HCN2: variants seen among roughly 807,000 people sequenced by gnomAD.
HCN2 encodes the protein hyperpolarization activated cyclic nucleotide gated potassium and sodium channel 2, also known as potassium/sodium hyperpolarization-activated cyclic nucleotide-gated channel 2.
In HCN2, 20 loss-of-function variants were observed where a neutral mutation model predicts 52.3. The observed-to-expected ratio is 0.38, with a 90% confidence interval of 0.27 to 0.56. The LOEUF is 0.56. Among genes scored for constraint, HCN2 ranks in the 20% least tolerant of loss-of-function variants. HCN2 has a pLI of 0.71. For missense variants in HCN2, 981 were observed against 1,207.7 expected (o/e 0.81, Z 2.78); for synonymous variants, 694 against 537.0 (o/e 1.29, Z -4.04).
At chr19:606,766 C>T (rs1246731889) in intron 3 of HCN2, among the ~76,000 whole-genome samples, 4 of 151,242 alleles carry the variant, frequency 2.6e-5, no homozygotes, top group Non-Finnish European at 4.4e-5. Flanking sequence ...GCAGGAGAAT[C>T]GCTTGAACCC....
At chr19:608,901 G>A (rs1983513721) in intron 4 of HCN2, among the ~76,000 whole-genome samples, 1 of 152,180 alleles carries the variant, frequency 6.6e-6, no homozygotes. Context: ...GTTAATCCTA[G>A]GCTTGGCAGT....
intron 1 of HCN2, among the ~76,000 whole-genome samples, chr19:594,276 G>C (rs572358733): frequency 1.3e-5 from 2 of 152,216 alleles, no homozygotes; most frequent in Non-Finnish European, 2.9e-5. Context: ...CAGATCCGGG[G>C]TTTGTGCCCT....
At chr19:612,393 G>GGTGGGTGTGTGTGTGTGTGT (rs1215986490) in intron 5 of HCN2, among the ~76,000 whole-genome samples, 10 of 141,770 alleles carry the variant, frequency 7.1e-5, no homozygotes, top group South Asian at 4.6e-4. Flanking sequence ...GCTTTCCACT[G>GGTGGGTGTGTGTGTGTGTGT]GTGTGTGTGT....
Position 591,645 on chromosome 19 carries a change from G to A in HCN2, c.632+1068G>A, listed in dbSNP as rs547727863. 6.6e-6 allele frequency among the ~76,000 whole-genome samples: 1 copy of A among 152,018 alleles called. No individual in the cohort carries two copies. Among genetic ancestry groups the A allele is most frequent in the African/African-American group, 2.4e-5 (1 of 41,382 alleles). On this transcript the variant is annotated intron_variant, in intron 1 of 7. Transcript: ENST00000251287. The surrounding 1 kb of genome is among the most constrained non-coding windows in gnomAD (Gnocchi z 4.1). ...AGGTGGGGCCCGCCGGGCTAGCGAG[G>A]CCGGGCGCGCGGGACGGGCGCGGTT...
At chr19:599,635 A>C (rs1401900555) in intron 1 of HCN2, among the ~76,000 whole-genome samples, 1 of 151,990 alleles carries the variant, frequency 6.6e-6, no homozygotes, top group African/African-American at 2.4e-5. Flanking sequence ...AAAAAAAAAA[A>C]AAATTATCTG....
chr19:611,527 G>C (rs962812616), intron 5 of HCN2, among the ~76,000 whole-genome samples: 7 of 152,196 alleles, frequency 4.6e-5, no homozygotes, highest in African/African-American at 1.2e-4. Flanking sequence ...AATGCCTCTG[G>C]GGGGGCGTGT....
At chr19:597,065 C>T (rs1393487009) in intron 1 of HCN2, among the ~76,000 whole-genome samples, 1 of 152,202 alleles carries the variant, frequency 6.6e-6, no homozygotes, top group African/African-American at 2.4e-5. Context: ...CGGCCCCAAG[C>T]CCTGCTTGGA....
At chr19:608,522 GGT>G (rs1476672340) in intron 4 of HCN2, among the ~76,000 whole-genome samples, 2 of 152,062 alleles carry the variant, frequency 1.3e-5, no homozygotes, top group Non-Finnish European at 2.9e-5. Context: ...AGAAACGGCC[GGT>G]GGTGAGAGGT....
At chr19:605,016 G>T (rs1273092431) in intron 2 of HCN2, 45 bp from the exon 3 acceptor site, 2 of 1,567,518 alleles carry the variant, frequency 1.3e-6, no homozygotes. Flanking sequence ...GAAGGTGGGG[G>T]CCGGGGGTCA....
Position 615,941 on chromosome 19 carries a change from C to G in HCN2, c.2137C>G (p.Leu713Val). The G allele has an allele frequency of 6.2e-7, 1 of 1,608,204 alleles. No individual in the cohort carries two copies. The highest frequency in any genetic ancestry group is 8.5e-7 in the Non-Finnish European group (1 of 1,178,664). The change falls in exon 8 of 8, where the codon CTC (leucine) becomes GTC (valine). Residue 713 changes from leucine (L) to valine (V), a missense_variant. Leu to Val is a conservative substitution (Grantham distance 32, BLOSUM62 1). Around this residue, in one of 6 missense-constraint regions of HCN2, gnomAD observed 368 missense variants for 314.8 expected, o/e 1.17. Transcript: ENST00000251287. ...QQAELGQRVG[L>V]FPPPPPPPQV... ...GGCCGAGCTGGGTCAGCGCGTGGGC[C>G]TCTTCCCGCCGCCGCCGCCGCCGCC... is the stretch of plus-strand genomic sequence containing the variant.
chr19:592,469 G>C lies in HCN2; in HGVS notation c.632+1892G>C, dbSNP rs1982903024. Among the ~76,000 whole-genome samples the C allele has an allele frequency of 1.3e-5, 2 of 152,126 alleles. No individual in the cohort carries two copies. Among genetic ancestry groups the C allele is most frequent in the South Asian group, 4.1e-4 (2 of 4,832 alleles). On this transcript the variant is annotated intron_variant, in intron 1 of 7. Transcript: ENST00000251287. The surrounding 1 kb of genome is among the most constrained non-coding windows in gnomAD (Gnocchi z 4.8). ...CACCCTCCTTGGGCGTGGTCGCCTGGAGGCCTGGGCAGGCTGTGGCCCCGC... is the reference window on the plus strand; with the variant it reads ...CACCCTCCTTGGGCGTGGTCGCCTGCAGGCCTGGGCAGGCTGTGGCCCCGC...
chr19:601,534 C>T lies in HCN2; in HGVS notation c.633-2010C>T, dbSNP rs573258419. Among the ~76,000 whole-genome samples the T allele has an allele frequency of 1.3e-4, 19 of 146,486 alleles. 1 individual carries two copies. Among genetic ancestry groups the T allele is most frequent in the South Asian group, 6.4e-4 (3 of 4,684 alleles). On this transcript the variant is annotated intron_variant, in intron 1 of 7. Coordinates refer to ENST00000251287, the MANE Select transcript of HCN2 (RefSeq NM_001194.4). ...GGTGTGAACACAGCGGAGTGGTCGT[C>T]GTCCGCAGTCGAGCTGGTGTGAACA...
Position 605,172 on chromosome 19 carries a change from A to G in HCN2, c.1168A>G (p.Met390Val). ...WDGCLQFLVPMLQDFPRNCWV... is the reference protein window; with the variant it reads ...WDGCLQFLVPVLQDFPRNCWV... ...CGGCTGCCTGCAGTTCCTGGTGCCT[A>G]TGCTGCAGGACTTCCCGCGCAACTG... The change falls in exon 3 of 8, where the codon ATG (methionine) becomes GTG (valine). Residue 390 changes from methionine to valine, a missense_variant. By Grantham distance (21) the Met-to-Val change is conservative (BLOSUM62 1). Coordinates refer to ENST00000251287, the MANE Select transcript of HCN2 (RefSeq NM_001194.4). 1 of 1,611,096 alleles carries G rather than the reference A, an allele frequency of 6.2e-7. No individual in the cohort carries two copies. The highest frequency in any genetic ancestry group is 8.5e-7 in the Non-Finnish European group (1 of 1,179,568).
chr19:613,193 A>G, intron 5 of HCN2, 55 bp from the exon 6 acceptor site: 1 of 1,552,074 alleles, frequency 6.4e-7, no homozygotes, highest in African/African-American at 1.4e-5. Flanking sequence ...AGGCAGGGCG[A>G]GGGGGAAGCG....
rs1389245475 is a variant in HCN2 at position 617,012 on chromosome 19, TGCGCAGG to T, written c.*543_*549del. The stretch of plus-strand genomic sequence containing the variant: ...ACTGGCACCGAGAGGCAGGCCTGGC[TGCGCAGG>T]GCGCGGGGGGGAGGCTGGGGTCCCG... On this transcript the variant is annotated 3_prime_UTR_variant, in exon 8 of 8. Coordinates refer to ENST00000251287, the MANE Select transcript of HCN2 (RefSeq NM_001194.4). The T allele has an allele frequency of 4.0e-6, 2 of 496,586 alleles. No individual in the cohort carries two copies. The highest frequency in any genetic ancestry group is 3.6e-5 in the East Asian group (1 of 28,032). 30.8% of individuals were successfully genotyped at this position (496,586 alleles called of 1,614,324 possible).
At chr19:610,521 G>A (rs1983582555) in intron 5 of HCN2, 116 bp downstream of exon 5, 18 of 905,192 alleles carry the variant, frequency 2.0e-5, no homozygotes, top group East Asian at 2.5e-5. Flanking sequence ...GCAGCAGGAG[G>A]GACTCGAGCT....
intron 1 of HCN2, 89 bp from the exon 2 acceptor site, chr19:603,455 C>A: frequency 9.5e-7 from 1 of 1,050,872 alleles, no homozygotes; most frequent in South Asian, 1.6e-5. Flanking sequence ...TGTGGGCGCC[C>A]CTCGTCCCCC....
In HCN2 at chr19:616,402, G is replaced by C. The variant is rs1009211475; in HGVS notation, c.2598G>C (p.Ser866=). The change falls in exon 8 of 8, where the codon TCG becomes TCC. Residue 866 remains serine (S), a synonymous_variant. Transcript: ENST00000251287. ...CGCCCAGCCCGGACCGCAGGGACTC[G>C]GCCTCACCCGGCGCCGCCGGCGGCC... ...AAAPSPDRRD[S]ASPGAAGGLD... 9 of 1,232,998 alleles carry C rather than the reference G, an allele frequency of 7.3e-6. No individual in the cohort carries two copies. The African/African-American group carries it at 8.1e-5, about 11-fold the overall frequency. The allele number at this position is 1,232,998 out of a possible 1,614,324, so 76.4% of individuals were successfully genotyped here. A position where few individuals can be genotyped will look rare whatever the true frequency, so the allele number is the denominator to read the frequency against.
chr19:613,068 C>T (rs1983714660), intron 5 of HCN2, among the ~76,000 whole-genome samples, 180 bp from the exon 6 acceptor site: 1 of 152,196 alleles, frequency 6.6e-6, no homozygotes, highest in African/African-American at 2.4e-5. Flanking sequence ...GGCGAAGGGG[C>T]ACTGAGCGTT....
Sources: allele counts gnomAD v4.1 joint callset (sites outside exome capture counted in the v4.1 genomes callset), GRCh38; gene constraint gnomAD v4.1.1; regional missense constraint gnomAD v4.1.1; non-coding constraint Gnocchi (gnomAD v3.1); transcripts MANE v1.5; gene names NCBI Gene and HGNC (gene_info 2026-07-23, HGNC 2026-07-21).